The following GLIS3 variants were observed in gnomAD, a reference collection of about 807,000 sequenced individuals.
GLIS3 encodes the protein zinc finger protein GLIS3.
Under a neutral mutation model 78.6 loss-of-function variants are expected in GLIS3, and 53 were observed. The observed-to-expected ratio is 0.67, with a 90% CI of 0.54 to 0.85. The LOEUF (loss-of-function observed/expected upper bound fraction) is 0.85. GLIS3 is among the 40% of genes least tolerant of loss of function. The pLI, the probability that GLIS3 is intolerant of heterozygous loss-of-function variation, is 0.00. For missense variants in GLIS3, 1,703 were observed against 1,231.1 expected (o/e 1.38, Z -5.74); for synonymous variants, 684 against 509.9 (o/e 1.34, Z -4.60).
chr9:4,358,664 G>T, the GLIS3 span, among the ~76,000 whole-genome samples: 2 of 152,182 alleles, frequency 1.3e-5, no homozygotes, highest in East Asian at 3.9e-4. Flanking sequence ...GCCTTGGCAT[G>T]CCTTGTACAG....
chr9:4,239,555 T>C, intron 2 of GLIS3, among the ~76,000 whole-genome samples: 1 of 152,194 alleles, frequency 6.6e-6, no homozygotes. Flanking sequence ...ATTGAGATCT[T>C]GGTATCAAGG....
intron 4 of GLIS3, among the ~76,000 whole-genome samples, chr9:4,024,189 C>A (rs1055577570): frequency 2.0e-5 from 3 of 152,074 alleles, no homozygotes; most frequent in Non-Finnish European, 4.4e-5. Flanking sequence ...TCCATGCAAC[C>A]CCCCAGTCTG....
chr9:4,371,518 G>C, the GLIS3 span, among the ~76,000 whole-genome samples: 1 of 152,194 alleles, frequency 6.6e-6, no homozygotes, highest in Non-Finnish European at 1.5e-5. Flanking sequence ...AGTAACAGCA[G>C]TTCAGATGGT....
At chr9:4,461,548 G>A in the GLIS3 span, among the ~76,000 whole-genome samples, 3 of 152,162 alleles carry the variant, frequency 2.0e-5, no homozygotes, top group African/African-American at 7.2e-5. Flanking sequence ...GGTGTTACTA[G>A]GGTTTGGATT....
In GLIS3 at chr9:4,118,387, G is replaced by C. The variant is rs772125440; in HGVS notation, c.1091C>G (p.Pro364Arg). ...CACGCCCTTCTGGCTGCCGGGCACC[G>C]GGCGCGGCTGGGGAATGCAGCTGCC... is the stretch of plus-strand genomic sequence containing the variant. ...VRGSCIPQPR[P>R]VPGSQKGVLV... The change falls in exon 4 of 11, where the codon CCG becomes CGG. Residue 364 changes from proline to arginine, a missense_variant. Physicochemically the swap from Pro to Arg is moderately radical, Grantham distance 103 (BLOSUM62 -2). Transcript: ENST00000381971. This position sits in a 1 kb window ranked among gnomAD's most constrained non-coding sequence, Gnocchi z 4.7. 6.2e-5 allele frequency: 100 copies of C among 1,600,536 alleles called. 2 individuals carry two copies. The highest frequency in any genetic ancestry group is 2.4e-4 in the South Asian group (22 of 90,478).
intron 2 of GLIS3, among the ~76,000 whole-genome samples, chr9:4,137,467 G>C (rs1044751476): frequency 6.6e-6 from 1 of 152,116 alleles, no homozygotes; most frequent in Non-Finnish European, 1.5e-5. Context: ...GTATTAAATG[G>C]AATCACATTT....
At position 3,893,296 on chromosome 9, in the gene GLIS3, G is replaced by C. The variant is rs9657625; in HGVS notation, c.2128+5395C>G. Among the ~76,000 whole-genome samples the C allele has an allele frequency of 6.4e-3, 970 of 152,226 alleles. 8 individuals are homozygous for C. The highest frequency in any genetic ancestry group is 0.02 in the African/African-American group (822 of 41,534). On this transcript the variant is annotated intron_variant, in intron 7 of 10. Coordinates refer to ENST00000381971, the MANE Select transcript of GLIS3 (RefSeq NM_001042413.2). ...AAACTGGGTAATTCAGCTTAATCTT[G>C]CATGAAAAACTAACATGAATACAAG...
At chr9:4,310,244 T>G (rs984056314) in intron 3 of GLIS3, among the ~76,000 whole-genome samples, 7 of 152,230 alleles carry the variant, frequency 4.6e-5, no homozygotes, top group Non-Finnish European at 7.3e-5. Context: ...CTTACTGACA[T>G]GCTCATGTGG....
At chr9:4,394,324 T>C in the GLIS3 span, among the ~76,000 whole-genome samples, 2 of 151,570 alleles carry the variant, frequency 1.3e-5, no homozygotes, top group East Asian at 3.9e-4. Flanking sequence ...AAAATTATTA[T>C]CTCATAATTT....
At chr9:4,319,162 G>GA (rs1427816917) in intron 2 of GLIS3, among the ~76,000 whole-genome samples, 25 of 152,180 alleles carry the variant, frequency 1.6e-4, no homozygotes, top group South Asian at 4.2e-4. Context: ...TTCTGAATGA[G>GA]AAAAAAATCA....
At chr9:3,998,330 C>G (rs600979) in intron 4 of GLIS3, among the ~76,000 whole-genome samples, 5,461 of 152,186 alleles carry the variant, frequency 0.036, 328 homozygotes, top group African/African-American at 0.13. Context: ...CTTCAATGCA[C>G]AGAGCTAGGA....
At chr9:3,952,141 C>T (rs1816741829) in intron 4 of GLIS3, among the ~76,000 whole-genome samples, 1 of 152,132 alleles carries the variant, frequency 6.6e-6, no homozygotes, top group South Asian at 2.1e-4. Flanking sequence ...ACTCCCTAGA[C>T]TTTTGGTGTT....
chr9:4,488,759 C>T, the GLIS3 span, among the ~76,000 whole-genome samples: 4 of 152,294 alleles, frequency 2.6e-5, no homozygotes, highest in East Asian at 7.7e-4. Context: ...CTCAAGTGAT[C>T]CGCCTGCCTT....
At chr9:4,012,016 G>A (rs532873464) in intron 4 of GLIS3, among the ~76,000 whole-genome samples, 65 of 152,140 alleles carry the variant, frequency 4.3e-4, no homozygotes, top group East Asian at 1.2e-3. Context: ...TCTTTCTTCC[G>A]TTTGCAGAAA....
chr9:4,293,713 T>G (rs907632132), intron 1 of GLIS3, among the ~76,000 whole-genome samples: 1 of 152,232 alleles, frequency 6.6e-6, no homozygotes, highest in Non-Finnish European at 1.5e-5. Flanking sequence ...GGCTTAGAAC[T>G]TTAGAAATCA....
chr9:4,372,479 G>A, the GLIS3 span, among the ~76,000 whole-genome samples: 2 of 149,110 alleles, frequency 1.3e-5, no homozygotes, highest in Non-Finnish European at 3.0e-5. Flanking sequence ...GTCCAGAGTC[G>A]ATACTTCAAA....
chr9:3,898,619 G>A (rs1174597568), intron 7 of GLIS3, 72 bp downstream of exon 7: 1 of 1,588,936 alleles, frequency 6.3e-7, no homozygotes, highest in East Asian at 2.2e-5. Flanking sequence ...TCTCACGTGA[G>A]CATTCCTTTT....
chr9:4,244,164 T>G (rs1317554100), intron 2 of GLIS3, among the ~76,000 whole-genome samples: 1 of 152,244 alleles, frequency 6.6e-6, no homozygotes, highest in Non-Finnish European at 1.5e-5. Context: ...ACCTCTTTAG[T>G]GTTACATGCA....
rs57718473 is a variant in GLIS3, at chr9:4,222,740, A to G, written c.388+63298T>C. On this transcript the variant is annotated intron_variant, in intron 2 of 10. Transcript: ENST00000381971. ...GGCAGCACCAAGTCCAGAGGAATGCATTATACTTTAACTGTGGGCTCGCAT... is the reference window on the plus strand; with the variant it reads ...GGCAGCACCAAGTCCAGAGGAATGCGTTATACTTTAACTGTGGGCTCGCAT... 1.7e-3 allele frequency among the ~76,000 whole-genome samples: 264 copies of G among 152,338 alleles called. 1 individual carries two copies. The highest frequency in any genetic ancestry group is 6.1e-3 in the African/African-American group (252 of 41,578).
Sources: gnomAD v4.1 joint callset for allele counts (sites outside exome capture counted in the v4.1 genomes callset) on GRCh38, gnomAD v4.1.1 for gene constraint, Gnocchi (gnomAD v3.1) non-coding constraint, MANE v1.5 for transcripts, NCBI Gene and HGNC (gene_info 2026-07-23, HGNC 2026-07-21) for gene names.